The following PTPRO variants were observed in gnomAD, a reference collection of about 807,000 sequenced individuals.
PTPRO encodes receptor-type tyrosine-protein phosphatase O.
PTPRO carries 62 observed loss-of-function variants against 145.2 expected under a neutral mutation model. That is an observed-to-expected ratio of 0.43 (90% CI 0.35 to 0.53). The LOEUF is 0.53. PTPRO is among the 20% of genes least tolerant of loss of function. The pLI, the probability that PTPRO is intolerant of heterozygous loss-of-function variation, is 0.01. For synonymous variants in PTPRO, 565 were observed against 514.7 expected (o/e 1.10, Z -1.32); for missense variants, 1,345 against 1,482.7 (o/e 0.91, Z 1.53).
At position 15,578,860 on chromosome 12, in the gene PTPRO, A is replaced by C; in HGVS notation, c.2837A>C (p.Lys946Thr). The change falls in exon 20 of 27, where the codon AAA becomes ACA. Residue 946 changes from lysine to threonine, a missense_variant. Physicochemically the swap from Lys to Thr is moderately conservative, Grantham distance 78. Transcript: ENST00000281171. ...YKFSLQFEEL[K>T]LIGLDIPHFA... ...ATTCTCTGTCCTTTACAGGAGTTGA[A>C]ATTGATTGGACTGGATATCCCACAC... is the stretch of plus-strand genomic sequence containing the variant. The C allele has an allele frequency of 6.3e-7, 1 of 1,593,582 alleles. No individual in the cohort carries two copies. Among genetic ancestry groups the C allele is most frequent in the Non-Finnish European group, 8.6e-7 (1 of 1,161,360 alleles).
chr12:15,444,096 G>A (rs1440599111), intron 1 of PTPRO, among the ~76,000 whole-genome samples: 2 of 152,052 alleles, frequency 1.3e-5, no homozygotes, highest in African/African-American at 2.4e-5. Flanking sequence ...GGGCCTATCA[G>A]CAGTGGAATG....
At chr12:15,381,056 A>G (rs1193406141) in intron 1 of PTPRO, among the ~76,000 whole-genome samples, 1 of 152,192 alleles carries the variant, frequency 6.6e-6, no homozygotes, top group African/African-American at 2.4e-5. Flanking sequence ...CTGATACCAT[A>G]CTAGACAGTA....
intron 1 of PTPRO, among the ~76,000 whole-genome samples, chr12:15,374,107 A>T (rs1232239905): frequency 6.6e-6 from 1 of 152,216 alleles, no homozygotes; most frequent in Non-Finnish European, 1.5e-5. Flanking sequence ...GTTTAAACAT[A>T]ACATATTTAT....
chr12:15,329,333 A>C (rs1866541988), intron 1 of PTPRO, among the ~76,000 whole-genome samples: 1 of 152,256 alleles, frequency 6.6e-6, no homozygotes, highest in African/African-American at 2.4e-5. Context: ...AGAATTCAAA[A>C]GAATTTTCAG....
At chr12:15,399,389 G>A (rs905383999) in intron 1 of PTPRO, among the ~76,000 whole-genome samples, 3 of 152,130 alleles carry the variant, frequency 2.0e-5, no homozygotes, top group Non-Finnish European at 4.4e-5. Context: ...CTTGCCCCAG[G>A]TAAAGTAAAA....
In PTPRO at chr12:15,588,420, A is replaced by G. The variant is rs996032253; in HGVS notation, c.3411-1035A>G. 3.3e-5 allele frequency among the ~76,000 whole-genome samples: 5 copies of G among 152,206 alleles called. No homozygotes were observed. In the East Asian group the frequency reaches 7.7e-4, roughly 23 times the overall value. On this transcript the variant is annotated intron_variant, in intron 24 of 26. Transcript: ENST00000281171. ...ACTCTTTATTGAGGATTAGAGGGAA[A>G]AAAGGGCTGACTTCAACACATAGAA...
Position 15,516,910 on chromosome 12 carries a change from C to T in PTPRO, c.1733C>T (p.Thr578Ile), listed in dbSNP as rs1942611245. The T allele has an allele frequency of 2.5e-6, 4 of 1,613,950 alleles. No homozygotes were observed. Among genetic ancestry groups the T allele is most frequent in the Non-Finnish European group, 3.4e-6 (4 of 1,179,830 alleles). ...CCTGCTACAATGACATCAGAGTGGA[C>T]CACCTACTATGAAATAGCAGCAACT... ...FNPATMTSEW[T>I]TYYEIAATVS... is the part of the protein sequence containing the mutation. The change falls in exon 9 of 27, where the codon ACC (threonine) becomes ATC (isoleucine). Residue 578 changes from threonine to isoleucine, a missense_variant. Thr to Ile is a moderately conservative substitution (Grantham distance 89). Around this residue, in one of 3 missense-constraint regions of PTPRO, gnomAD observed 1,130 missense variants for 1,214.7 expected, o/e 0.93. Coordinates refer to ENST00000281171, the MANE Select transcript of PTPRO (RefSeq NM_030667.3).
At chr12:15,408,925 G>A (rs1939720552) in intron 1 of PTPRO, among the ~76,000 whole-genome samples, 4 of 152,096 alleles carry the variant, frequency 2.6e-5, no homozygotes, top group African/African-American at 4.8e-5. Context: ...AAGAGATAAT[G>A]AATAATAAAT....
intron 12 of PTPRO, among the ~76,000 whole-genome samples, chr12:15,539,546 G>A (rs2135536687): frequency 6.6e-6 from 1 of 152,118 alleles, no homozygotes; most frequent in East Asian, 1.9e-4. Context: ...CAGATCACTT[G>A]AGGCCGGGAG....
rs1237583639 is a variant in PTPRO at position 15,497,145 on chromosome 12, GA to G, written c.350-98del. 6 of 1,126,130 alleles carry G rather than the reference GA, an allele frequency of 5.3e-6. No individual in the cohort carries two copies. In the East Asian group the frequency reaches 1.4e-4, roughly 27 times the overall value. The allele number at this position is 1,126,130 out of a possible 1,614,324, so 69.8% of individuals were successfully genotyped here. On this transcript the variant is annotated intron_variant, in intron 2 of 26. Transcript: ENST00000281171. ...CCCACAGACAGTGAAAATTATGCGT[GA>G]ATTTCTGGTAGGTGTAATCCTTGCT...
intron 20 of PTPRO, among the ~76,000 whole-genome samples, 173 bp downstream of exon 20, chr12:15,579,116 T>A (rs1449389883): frequency 6.6e-6 from 1 of 152,204 alleles, no homozygotes; most frequent in Non-Finnish European, 1.5e-5. Flanking sequence ...GATCTTAGCA[T>A]ATGGAGGAAG....
intron 1 of PTPRO, among the ~76,000 whole-genome samples, chr12:15,338,672 T>G (rs1423935740): frequency 6.6e-6 from 1 of 152,086 alleles, no homozygotes; most frequent in African/African-American, 2.4e-5. Context: ...GGGCAAAATA[T>G]TAATTGATAA....
At chr12:15,593,566 C>T (rs540924038) in intron 25 of PTPRO, among the ~76,000 whole-genome samples, 1 of 152,218 alleles carries the variant, frequency 6.6e-6, no homozygotes, top group East Asian at 1.9e-4. Context: ...TAGGATTTTA[C>T]TATGTAGCCT....
chr12:15,454,045 G>A (rs1392809917), intron 1 of PTPRO, among the ~76,000 whole-genome samples: 3 of 152,136 alleles, frequency 2.0e-5, no homozygotes, highest in Non-Finnish European at 4.4e-5. Flanking sequence ...ACAAGAGAGT[G>A]CAAATATTTC....
chr12:15,513,164 A>T (rs766400005), intron 7 of PTPRO, among the ~76,000 whole-genome samples: 2,827 of 67,874 alleles, frequency 0.042, 263 homozygotes, highest in African/African-American at 0.05. Context: ...AGAAAAAGAA[A>T]GAAAGAAAGA....
At position 15,470,093 on chromosome 12, in the gene PTPRO, A is replaced by G. The variant is rs376515889; in HGVS notation, c.76-13881A>G. Among the ~76,000 whole-genome samples, 26 of 152,246 alleles carry G rather than the reference A, an allele frequency of 1.7e-4. No homozygotes were observed. In the South Asian group the frequency reaches 5.4e-3, roughly 32 times the overall value. On this transcript the variant is annotated intron_variant, in intron 1 of 26. Transcript: ENST00000281171. ...ATTTCTGTTTTTTTCATGATGCTAC[A>G]CTTTTTGAGGATTTATCAGGCATAT...
chr12:15,327,770 G>A (rs567927870), intron 1 of PTPRO, among the ~76,000 whole-genome samples: 69 of 152,256 alleles, frequency 4.5e-4, no homozygotes, highest in Non-Finnish European at 9.0e-4. Flanking sequence ...TGGGATGAGT[G>A]TGAATGGGTT....
chr12:15,334,563 T>C (rs1048963164), intron 1 of PTPRO, among the ~76,000 whole-genome samples: 1 of 152,164 alleles, frequency 6.6e-6, no homozygotes, highest in Non-Finnish European at 1.5e-5. Flanking sequence ...TTACATAATC[T>C]TGTAATGCAC....
intron 1 of PTPRO, among the ~76,000 whole-genome samples, chr12:15,381,664 T>C (rs1007746026): frequency 6.6e-6 from 1 of 152,154 alleles, no homozygotes; most frequent in African/African-American, 2.4e-5. Context: ...ACATATTTTC[T>C]TTGAGTGTTT....
Sources: allele counts gnomAD v4.1 joint callset (sites outside exome capture counted in the v4.1 genomes callset), GRCh38; gene constraint gnomAD v4.1.1; regional missense constraint gnomAD v4.1.1; transcripts MANE v1.5; gene names NCBI Gene and HGNC (gene_info 2026-07-23, HGNC 2026-07-21).